The following PTPN12 variants were observed in gnomAD, a reference collection of about 807,000 sequenced individuals.
The protein encoded by PTPN12 is tyrosine-protein phosphatase non-receptor type 12.
Under a neutral mutation model 97.6 loss-of-function variants are expected in PTPN12, and 29 were observed. The ratio of observed to expected loss-of-function variants is 0.30; its 90% CI spans 0.22 to 0.41. The LOEUF (loss-of-function observed/expected upper bound fraction) is 0.41. PTPN12 is among the 10% of genes least tolerant of loss of function. The pLI is 1.00. For missense variants in PTPN12, 819 were observed against 926.0 expected (o/e 0.88, Z 1.50); for synonymous variants, 327 against 300.4 (o/e 1.09, Z -0.91).
intron 1 of PTPN12, among the ~76,000 whole-genome samples, chr7:77,545,269 T>G (rs1035820063): frequency 2.0e-5 from 3 of 152,202 alleles, no homozygotes; most frequent in Non-Finnish European, 4.4e-5. Flanking sequence ...GCCTCTAGTT[T>G]CTTTCCTCAT....
intron 1 of PTPN12, chr7:77,537,982 G>GC (rs956370021): frequency 6.1e-5 from 60 of 985,564 alleles, no homozygotes; most frequent in African/African-American, 3.0e-4. Context: ...GCAGGCCGGG[G>GC]GGGGGGGCTC....
chr7:77,585,701 C>T, intron 5 of PTPN12, 120 bp downstream of exon 5: 1 of 766,230 alleles, frequency 1.3e-6, no homozygotes, highest in Non-Finnish European at 2.0e-6. Context: ...TGGGGTACTG[C>T]TGTTGCTTTT....
intron 5 of PTPN12, among the ~76,000 whole-genome samples, chr7:77,588,966 G>C (rs561265512): frequency 6.6e-6 from 1 of 151,932 alleles, no homozygotes; most frequent in South Asian, 2.1e-4. Flanking sequence ...TCCATCTCCC[G>C]GGTTCAGGTA....
intron 7 of PTPN12, among the ~76,000 whole-genome samples, chr7:77,600,094 G>C: frequency 6.6e-6 from 1 of 152,178 alleles, no homozygotes; most frequent in East Asian, 1.9e-4. Context: ...CAAAAGGGTT[G>C]AGGGGAGGGG....
At chr7:77,573,651 G>T (rs879671699) in intron 2 of PTPN12, among the ~76,000 whole-genome samples, 1 of 152,216 alleles carries the variant, frequency 6.6e-6, no homozygotes, top group East Asian at 1.9e-4. Context: ...ATAATTTTAA[G>T]GTGATCCTAC....
At chr7:77,577,246 G>A (rs1787371715) in intron 2 of PTPN12, among the ~76,000 whole-genome samples, 1 of 152,106 alleles carries the variant, frequency 6.6e-6, no homozygotes, top group Non-Finnish European at 1.5e-5. Context: ...AAATCAGGCA[G>A]CCCCAGTTTC....
chr7:77,558,609 T>C (rs973754469), intron 1 of PTPN12, among the ~76,000 whole-genome samples: 5 of 152,210 alleles, frequency 3.3e-5, no homozygotes, highest in African/African-American at 1.2e-4. Flanking sequence ...AAGACTACTA[T>C]CCTTAGAAAG....
intron 8 of PTPN12, among the ~76,000 whole-genome samples, chr7:77,603,134 G>A (rs189739711): frequency 4.9e-4 from 74 of 152,152 alleles, no homozygotes; most frequent in Non-Finnish European, 7.2e-4. Context: ...TTAATTCAGT[G>A]GTTAGTTGAC....
rs1360369234 is a variant in PTPN12 at position 77,627,259 on chromosome 7, C to T, written c.1580C>T (p.Pro527Leu). 5 of 1,614,156 alleles carry T rather than the reference C, an allele frequency of 3.1e-6. No homozygotes were observed. The South Asian group carries it at 5.5e-5, about 18-fold the overall frequency. ...ACACCTCCAAGGCCAGACCGCTTGC[C>T]TCTTGATGAGAAAGGACATGTAACG... Reference protein sequence around the residue: ...SDTPPRPDRLPLDEKGHVTWS... With the variant: ...SDTPPRPDRLLLDEKGHVTWS... Residue 527 changes from proline to leucine, a missense_variant, in exon 13 of 18, where the codon CCT (proline) becomes CTT (leucine). Coordinates refer to ENST00000248594, the MANE Select transcript of PTPN12 (RefSeq NM_002835.4).
intron 8 of PTPN12, among the ~76,000 whole-genome samples, chr7:77,602,865 A>C (rs1473677053): frequency 6.6e-6 from 1 of 152,202 alleles, no homozygotes; most frequent in East Asian, 1.9e-4. Flanking sequence ...TGTTATCTGC[A>C]TTCACATTTG....
chr7:77,565,465 TTGGC>T (rs1808220287), intron 1 of PTPN12, among the ~76,000 whole-genome samples: 1 of 152,232 alleles, frequency 6.6e-6, no homozygotes, highest in Non-Finnish European at 1.5e-5. Context: ...GTGGTGGTTT[TTGGC>T]TTGAACTGCT....
At chr7:77,606,648 T>G (rs1240580663) in intron 8 of PTPN12, among the ~76,000 whole-genome samples, 1 of 152,242 alleles carries the variant, frequency 6.6e-6, no homozygotes, top group Non-Finnish European at 1.5e-5. Flanking sequence ...TTACTCATAG[T>G]TCAAAAATAT....
chr7:77,550,626 G>C (rs1170993619), intron 1 of PTPN12, among the ~76,000 whole-genome samples: 2 of 152,210 alleles, frequency 1.3e-5, no homozygotes, highest in African/African-American at 4.8e-5. Context: ...AATCAGGACT[G>C]TAAGGTGGAT....
intron 1 of PTPN12, among the ~76,000 whole-genome samples, chr7:77,550,561 T>A (rs1015606209): frequency 6.6e-6 from 1 of 152,168 alleles, no homozygotes; most frequent in Non-Finnish European, 1.5e-5. Context: ...GAGTAATGAA[T>A]GCCCTTTAAA....
chr7:77,552,593 A>G (rs1807528842), intron 1 of PTPN12, among the ~76,000 whole-genome samples: 1 of 152,200 alleles, frequency 6.6e-6, no homozygotes, highest in Non-Finnish European at 1.5e-5. Context: ...AAAGAGGGAA[A>G]GGTAATCTGG....
At chr7:77,577,179 A>G (rs1787369923) in intron 2 of PTPN12, among the ~76,000 whole-genome samples, 1 of 152,136 alleles carries the variant, frequency 6.6e-6, no homozygotes, top group Non-Finnish European at 1.5e-5. Flanking sequence ...CAGTAGTCCC[A>G]TGTTGCTTCA....
At position 77,573,300 on chromosome 7, in the gene PTPN12, T is replaced by C. The variant is rs182976160; in HGVS notation, c.208+2114T>C. ...GTTGCTTATTAATAACAGACATTTGTATCTTCAAATTCTAGAGACTGGGAA... is the reference window on the plus strand; with the variant it reads ...GTTGCTTATTAATAACAGACATTTGCATCTTCAAATTCTAGAGACTGGGAA... On this transcript the variant is annotated intron_variant, in intron 2 of 17. Coordinates refer to ENST00000248594, the MANE Select transcript of PTPN12 (RefSeq NM_002835.4). Among the ~76,000 whole-genome samples, 36 of 152,266 alleles carry C rather than the reference T, an allele frequency of 2.4e-4. No individual in the cohort carries two copies. The East Asian group carries it at 6.8e-3, about 29-fold the overall frequency.
At chr7:77,606,340 A>G (rs1474776226) in intron 8 of PTPN12, among the ~76,000 whole-genome samples, 1 of 152,150 alleles carries the variant, frequency 6.6e-6, no homozygotes, top group Non-Finnish European at 1.5e-5. Context: ...AGACTTCCAG[A>G]GTGACAACTT....
intron 1 of PTPN12, among the ~76,000 whole-genome samples, chr7:77,544,540 T>C (rs1387219999): frequency 6.6e-6 from 1 of 152,246 alleles, no homozygotes; most frequent in African/African-American, 2.4e-5. Flanking sequence ...TTAACTTTTT[T>C]CCATCAATAT....
Sources: gnomAD v4.1 joint callset for allele counts (sites outside exome capture counted in the v4.1 genomes callset) on GRCh38, gnomAD v4.1.1 for gene constraint, MANE v1.5 for transcripts, NCBI Gene and HGNC (gene_info 2026-07-23, HGNC 2026-07-21) for gene names.